Variants in NOL4 observed in about 807,000 individuals in gnomAD.
The protein encoded by NOL4 is cancer/testis antigen 125.
NOL4 carries 17 observed loss-of-function variants against 75.9 expected under a neutral mutation model. That is an observed-to-expected ratio of 0.22 (90% CI 0.15 to 0.34). The LOEUF is 0.34. Ranked by LOEUF, NOL4 falls within the 10% of genes least tolerant of loss-of-function variation. NOL4 has a pLI of 1.00. For missense variants in NOL4, 614 were observed against 793.5 expected (o/e 0.77, Z 2.72); for synonymous variants, 292 against 289.9 (o/e 1.01, Z -0.07).
At chr18:33,982,171 G>A (rs1376729991) in intron 6 of NOL4, among the ~76,000 whole-genome samples, 1 of 151,976 alleles carries the variant, frequency 6.6e-6, no homozygotes, top group African/African-American at 2.4e-5. Flanking sequence ...GCAATGAATA[G>A]AAAACAGTAA....
Position 33,943,087 on chromosome 18 carries a change from C to T in NOL4, c.1520G>A (p.Arg507Lys), listed in dbSNP as rs1384445742. 1 of 1,611,444 alleles carries T rather than the reference C, an allele frequency of 6.2e-7. No individual in the cohort carries two copies. The highest frequency in any genetic ancestry group is 2.2e-5 in the East Asian group (1 of 44,786). ...TACCTGCTGTCTCTCCAGACGCATC[C>T]TCTTGGCGGCATTTCTACTCTCACT... ...CESESRNAAKRMRLERQQDES... is the reference protein window; with the variant it reads ...CESESRNAAKKMRLERQQDES... The change falls in exon 9 of 11, where the codon AGG becomes AAG. Residue 507 changes from arginine (R) to lysine (K), a missense_variant. Coordinates refer to ENST00000261592, the MANE Select transcript of NOL4 (RefSeq NM_003787.5).
intron 1 of NOL4, among the ~76,000 whole-genome samples, chr18:34,152,854 A>C (rs1055691504): frequency 6.6e-6 from 1 of 151,950 alleles, no homozygotes; most frequent in African/African-American, 2.4e-5. Context: ...AAATTGCTAG[A>C]AGATAATTGA....
intron 1 of NOL4, among the ~76,000 whole-genome samples, chr18:34,141,962 C>T (rs1235653907): frequency 6.6e-6 from 1 of 151,732 alleles, no homozygotes; most frequent in Non-Finnish European, 1.5e-5. Context: ...CCAGAATCTA[C>T]AAAGAACTCA....
intron 9 of NOL4, among the ~76,000 whole-genome samples, chr18:33,925,205 A>G (rs184265233): frequency 2.6e-5 from 4 of 152,336 alleles, no homozygotes; most frequent in Admixed American, 2.6e-4. Context: ...TATTTTACAA[A>G]TGTAGTCAAA....
intron 10 of NOL4, among the ~76,000 whole-genome samples, chr18:33,882,377 C>T (rs1225946359): frequency 1.3e-5 from 2 of 152,090 alleles, no homozygotes; most frequent in African/African-American, 4.8e-5. Context: ...CAAACAACCC[C>T]ACCAAAAAGT....
intron 10 of NOL4, among the ~76,000 whole-genome samples, chr18:33,873,680 C>T (rs2063800004): frequency 6.6e-6 from 1 of 151,982 alleles, no homozygotes; most frequent in African/African-American, 2.4e-5. Context: ...ATTTCTTTCA[C>T]TCAGTCATTC....
At chr18:33,902,377 G>T (rs2065794977) in intron 9 of NOL4, among the ~76,000 whole-genome samples, 1 of 151,958 alleles carries the variant, frequency 6.6e-6, no homozygotes, top group Admixed American at 6.6e-5. Flanking sequence ...CTGTTGAGAA[G>T]GCCTAAGATG....
At chr18:34,085,769 C>G (rs983132215) in intron 5 of NOL4, among the ~76,000 whole-genome samples, 1 of 152,114 alleles carries the variant, frequency 6.6e-6, no homozygotes, top group Non-Finnish European at 1.5e-5. Context: ...AACTAAACAT[C>G]ATTTTTCATA....
chr18:34,041,253 G>A (rs1326085336), intron 5 of NOL4, among the ~76,000 whole-genome samples: 1 of 151,894 alleles, frequency 6.6e-6, no homozygotes, highest in South Asian at 2.1e-4. Context: ...CAAGGCTAAA[G>A]TAAAAGGTTA....
intron 6 of NOL4, among the ~76,000 whole-genome samples, chr18:34,009,691 A>G (rs2074260323): frequency 6.6e-6 from 1 of 151,876 alleles, no homozygotes. Context: ...ATGAACCCCA[A>G]ACTAGTAGCT....
At chr18:33,895,398 C>T (rs1457654870) in intron 9 of NOL4, among the ~76,000 whole-genome samples, 1 of 151,876 alleles carries the variant, frequency 6.6e-6, no homozygotes, top group African/African-American at 2.4e-5. Flanking sequence ...TAGTTATTAA[C>T]CAAAAAACTC....
chr18:33,997,358 T>C (rs1301536760), intron 6 of NOL4, among the ~76,000 whole-genome samples: 1 of 151,900 alleles, frequency 6.6e-6, no homozygotes, highest in African/African-American at 2.4e-5. Context: ...CTTATTTGCA[T>C]TCACATTGTC....
rs1001960904 is a variant in NOL4, at chr18:34,041,000, T to C, written c.773-21399A>G. 1.3e-5 allele frequency among the ~76,000 whole-genome samples: 2 copies of C among 151,974 alleles called. 1 individual carries two copies. Among genetic ancestry groups the C allele is most frequent in the Non-Finnish European group, 2.9e-5 (2 of 67,906 alleles). ...TTTTGTCTGATAATCAAAAATATTC[T>C]AGGATGAAAAAACGTAATGAAAAAA... On this transcript the variant is annotated intron_variant, in intron 5 of 10. Coordinates refer to ENST00000261592, the MANE Select transcript of NOL4 (RefSeq NM_003787.5).
intron 1 of NOL4, chr18:34,183,590 T>C (rs2034219313): frequency 6.6e-6 from 1 of 152,004 alleles, no homozygotes; most frequent in Non-Finnish European, 1.5e-5. Context: ...CATTCAGATG[T>C]CCTTCAACAA....
At chr18:34,023,885 G>A (rs1191710260) in intron 5 of NOL4, among the ~76,000 whole-genome samples, 1 of 151,748 alleles carries the variant, frequency 6.6e-6, no homozygotes, top group Non-Finnish European at 1.5e-5. Context: ...TTTCTCTTTT[G>A]CTACTCCCCA....
chr18:34,097,484 T>C (rs1181826773), intron 4 of NOL4, among the ~76,000 whole-genome samples: 1 of 152,184 alleles, frequency 6.6e-6, no homozygotes, highest in Non-Finnish European at 1.5e-5. Context: ...GCTGGCTATC[T>C]GCCCAGTCCA....
chr18:33,913,013 C>CT (rs1270515239), intron 9 of NOL4, among the ~76,000 whole-genome samples: 1 of 152,000 alleles, frequency 6.6e-6, no homozygotes, highest in African/African-American at 2.4e-5. Flanking sequence ...CATTATATCT[C>CT]TATTTTTTAC....
chr18:33,990,258 A>G (rs774979692), intron 6 of NOL4, among the ~76,000 whole-genome samples: 74 of 152,072 alleles, frequency 4.9e-4, no homozygotes, highest in Non-Finnish European at 9.9e-4. Flanking sequence ...ACATCAGATC[A>G]TAACTGGTCA....
chr18:34,019,668 C>T (rs1404117704), intron 5 of NOL4, 67 bp from the exon 6 acceptor site: 1 of 1,406,586 alleles, frequency 7.1e-7, no homozygotes, highest in Non-Finnish European at 9.7e-7. Flanking sequence ...CTTCAACTAG[C>T]ATTTATTGAG....
Sources: gnomAD v4.1 joint callset for allele counts (sites outside exome capture counted in the v4.1 genomes callset) on GRCh38, gnomAD v4.1.1 for gene constraint, MANE v1.5 for transcripts, NCBI Gene and HGNC (gene_info 2026-07-23, HGNC 2026-07-21) for gene names.